Variants in ITFG1 observed in about 807,000 individuals in gnomAD.
ITFG1 encodes integrin alpha FG-GAP repeat containing 1.
Under a neutral mutation model 81.8 loss-of-function variants are expected in ITFG1, and 34 were observed. The ratio of observed to expected loss-of-function variants is 0.42; its 90% CI spans 0.32 to 0.55. ITFG1 has a LOEUF of 0.55. Among genes scored for constraint, ITFG1 ranks in the 20% least tolerant of loss-of-function variants. The pLI is 0.17. For synonymous variants in ITFG1, 285 were observed against 270.6 expected, an observed-to-expected ratio of 1.05 and a Z score of -0.52; for missense variants, 672 against 755.4, an observed-to-expected ratio of 0.89 and a Z score of 1.29.
chr16:47,184,707 G>A (rs1309056433), intron 14 of ITFG1, among the ~76,000 whole-genome samples: 5 of 152,018 alleles, frequency 3.3e-5, no homozygotes, highest in Admixed American at 1.3e-4. Flanking sequence ...AGACTAGGAA[G>A]AAACTGCGTC....
intron 10 of ITFG1, among the ~76,000 whole-genome samples, chr16:47,278,242 G>A (rs1269239927): frequency 6.6e-6 from 1 of 152,184 alleles, no homozygotes; most frequent in Non-Finnish European, 1.5e-5. Context: ...CAGACATAAA[G>A]AATAGTGGTG....
chr16:47,285,655 G>T (rs1173489401), intron 10 of ITFG1, among the ~76,000 whole-genome samples: 1 of 152,154 alleles, frequency 6.6e-6, no homozygotes, highest in Non-Finnish European at 1.5e-5. Context: ...TGCTTTGTGT[G>T]TGGGGACAAA....
At chr16:47,459,391 T>C (rs1969493329) in intron 1 of ITFG1, among the ~76,000 whole-genome samples, 1 of 152,128 alleles carries the variant, frequency 6.6e-6, no homozygotes, top group African/African-American at 2.4e-5. Flanking sequence ...ATAGAAAGGA[T>C]GAACATGGGA....
At chr16:47,328,605 T>C (rs967436632) in intron 8 of ITFG1, among the ~76,000 whole-genome samples, 3 of 152,122 alleles carry the variant, frequency 2.0e-5, no homozygotes, top group Admixed American at 2.0e-4. Context: ...TATATCCTTG[T>C]TATATAACTA....
intron 7 of ITFG1, among the ~76,000 whole-genome samples, chr16:47,368,909 T>C (rs919246698): frequency 6.6e-6 from 1 of 152,168 alleles, no homozygotes. Flanking sequence ...GAATACGTTC[T>C]GGCCATAGTG....
At chr16:47,341,104 A>C (rs1967775677) in intron 8 of ITFG1, among the ~76,000 whole-genome samples, 1 of 152,138 alleles carries the variant, frequency 6.6e-6, no homozygotes, top group East Asian at 1.9e-4. Context: ...TCAAAGAAGA[A>C]TCACTAGGGA....
chr16:47,388,951 TTTCCCTCAAG>T (rs1306901860), intron 6 of ITFG1, among the ~76,000 whole-genome samples: 1 of 152,152 alleles, frequency 6.6e-6, no homozygotes, highest in Non-Finnish European at 1.5e-5. Context: ...GCAAGACATG[TTTCCCTCAAG>T]ATATAAGGAA....
At chr16:47,239,965 G>T (rs886980260) in intron 12 of ITFG1, among the ~76,000 whole-genome samples, 1 of 151,860 alleles carries the variant, frequency 6.6e-6, no homozygotes. Flanking sequence ...CAACATATTT[G>T]CTCAATAAAT....
intron 6 of ITFG1, among the ~76,000 whole-genome samples, chr16:47,392,498 C>T (rs1361350832): frequency 6.6e-6 from 1 of 152,074 alleles, no homozygotes; most frequent in Admixed American, 6.5e-5. Context: ...CTGTGCAGAA[C>T]CCTGTGATCT....
At chr16:47,156,922 A>C (rs900989865) in intron 17 of ITFG1, among the ~76,000 whole-genome samples, 9 of 152,202 alleles carry the variant, frequency 5.9e-5, no homozygotes, top group African/African-American at 2.2e-4. Context: ...GATGAAGGCT[A>C]AACAGAATGA....
chr16:47,313,535 A>G (rs1049922406), intron 9 of ITFG1, among the ~76,000 whole-genome samples, 194 bp downstream of exon 9: 9 of 152,344 alleles, frequency 5.9e-5, no homozygotes, highest in African/African-American at 1.7e-4. Flanking sequence ...AGAAATAATT[A>G]TAACAATGAT....
At chr16:47,435,605 A>T (rs139627049) in intron 5 of ITFG1, among the ~76,000 whole-genome samples, 57 of 152,352 alleles carry the variant, frequency 3.7e-4, no homozygotes, top group African/African-American at 1.4e-3. Context: ...TCTTCATATG[A>T]CTGCTAATCC....
intron 6 of ITFG1, among the ~76,000 whole-genome samples, chr16:47,383,547 C>A (rs1424026577): frequency 6.6e-6 from 1 of 152,154 alleles, no homozygotes; most frequent in Non-Finnish European, 1.5e-5. Flanking sequence ...CGCTACTATC[C>A]AAAAATGGTT....
In ITFG1 at chr16:47,322,734, T is replaced by G. The variant is rs76169018; in HGVS notation, c.803-8911A>C. Among the ~76,000 whole-genome samples the G allele has an allele frequency of 2.0e-5, 3 of 152,196 alleles. No homozygotes were observed. In the East Asian group the frequency reaches 5.8e-4, roughly 29 times the overall value. ...ACGAATACACTGTGGAATAGCTAAATCTAGCTAATTAGCACATGCATTTAC... is the reference window on the plus strand; with the variant it reads ...ACGAATACACTGTGGAATAGCTAAAGCTAGCTAATTAGCACATGCATTTAC... On this transcript the variant is annotated intron_variant, in intron 8 of 17. Transcript: ENST00000320640.
At chr16:47,337,851 C>A (rs1967728135) in intron 8 of ITFG1, among the ~76,000 whole-genome samples, 1 of 152,240 alleles carries the variant, frequency 6.6e-6, no homozygotes, top group Non-Finnish European at 1.5e-5. Context: ...TTCACATGGG[C>A]TGTTCCCTAG....
intron 14 of ITFG1, among the ~76,000 whole-genome samples, chr16:47,198,063 A>C (rs1965379656): frequency 6.6e-6 from 1 of 152,238 alleles, no homozygotes; most frequent in South Asian, 2.1e-4. Context: ...ATTGAAGTTT[A>C]AGAAAACAAA....
intron 8 of ITFG1, among the ~76,000 whole-genome samples, chr16:47,358,006 C>A (rs1033373587): frequency 2.0e-5 from 3 of 152,116 alleles, no homozygotes; most frequent in Non-Finnish European, 4.4e-5. Flanking sequence ...AACTCAGGAA[C>A]TAATCACTTT....
At chr16:47,225,534 GT>G (rs1225537401) in intron 13 of ITFG1, among the ~76,000 whole-genome samples, 2 of 152,298 alleles carry the variant, frequency 1.3e-5, no homozygotes, top group Admixed American at 1.3e-4. Context: ...AAGATTGAAT[GT>G]TGAAAGCAGC....
intron 8 of ITFG1, among the ~76,000 whole-genome samples, chr16:47,340,844 T>C (rs1296952625): frequency 6.6e-6 from 1 of 152,202 alleles, no homozygotes; most frequent in Non-Finnish European, 1.5e-5. Flanking sequence ...AGAGGTTATA[T>C]TCATATAGAC....
Sources: gnomAD v4.1 joint callset for allele counts (sites outside exome capture counted in the v4.1 genomes callset) on GRCh38, gnomAD v4.1.1 for gene constraint, MANE v1.5 for transcripts, NCBI Gene and HGNC (gene_info 2026-07-23, HGNC 2026-07-21) for gene names.